Variants in NRK observed in about 807,000 individuals in gnomAD.
NRK encodes the protein Nik related kinase, also known as nik-related protein kinase.
NRK carries 67 observed loss-of-function variants against 125.2 expected under a neutral mutation model. That is an observed-to-expected ratio of 0.54 (90% CI 0.44 to 0.66). The LOEUF (loss-of-function observed/expected upper bound fraction) is 0.66, where lower values mean the gene tolerates loss of function less well. Ranked by LOEUF, NRK falls within the 30% of genes least tolerant of loss-of-function variation. NRK has a pLI of 0.00. For synonymous variants in NRK, 458 were observed against 429.0 expected (o/e 1.07, Z -0.84); for missense variants, 1,224 against 1,192.9 (o/e 1.03, Z -0.38).
chrX:105,886,201 T>A (rs1325177412), intron 4 of NRK, among the ~76,000 whole-genome samples: 2 of 109,810 alleles, frequency 1.8e-5, no homozygotes, highest in Non-Finnish European at 3.8e-5. Context: ...CCATATATCC[T>A]TTCTGTGCAA....
Position 105,935,175 on chromosome X carries a change from G to A in NRK, c.3505G>A (p.Ala1169Thr), listed in dbSNP as rs377439740. The A allele has an allele frequency of 1.0e-5, 12 of 1,185,454 alleles. No homozygotes were observed. In the East Asian group the frequency reaches 2.7e-4, roughly 26 times the overall value. The change falls in exon 21 of 29, where the codon GCT becomes ACT. Residue 1169 changes from alanine to threonine, a missense_variant. Transcript: ENST00000243300. ...TTCCCCTTACATCTTTGCAGTATACGCTGGATTCGTAGAAGTACCTGAGGA... is the reference window on the plus strand; with the variant it reads ...TTCCCCTTACATCTTTGCAGTATACACTGGATTCGTAGAAGTACCTGAGGA... The part of the protein sequence containing the change: ...DANFASAILY[A>T]GFVEVPEESP...
At chrX:105,948,432 T>G (rs1293074551) in intron 26 of NRK, 1 of 290,871 alleles carries the variant, frequency 3.4e-6, no homozygotes, top group Non-Finnish European at 5.9e-6. Context: ...TTTCCAAGAG[T>G]GCTAGATTAC....
At chrX:105,859,144 A>G (rs1001358412) in intron 2 of NRK, among the ~76,000 whole-genome samples, 1 of 111,834 alleles carries the variant, frequency 8.9e-6, no homozygotes, top group African/African-American at 3.2e-5. Flanking sequence ...TTGCTCAAAT[A>G]GATCTCTTTC....
intron 2 of NRK, among the ~76,000 whole-genome samples, chrX:105,870,511 C>A (rs755338884): frequency 5.4e-5 from 6 of 111,757 alleles, no homozygotes; most frequent in Non-Finnish European, 1.1e-4. Flanking sequence ...TCCTTAGTTG[C>A]CTACTAGTAG....
intron 27 of NRK, among the ~76,000 whole-genome samples, chrX:105,950,527 AGTGTGTGT>A (rs56383254): frequency 0.042 from 3,251 of 77,890 alleles, 84 homozygotes; most frequent in African/African-American, 0.079. Context: ...AAAAGGCAGC[AGTGTGTGT>A]GTGTGTGTGT....
intron 2 of NRK, among the ~76,000 whole-genome samples, chrX:105,878,944 T>A (rs1455098172): frequency 1.8e-5 from 2 of 111,463 alleles, no homozygotes; most frequent in Admixed American, 9.6e-5. Context: ...ATTTTGGACA[T>A]AAGAATTCTG....
chrX:105,826,976 G>C (rs1279558551), intron 1 of NRK, among the ~76,000 whole-genome samples: 1 of 111,451 alleles, frequency 9.0e-6, no homozygotes, highest in Non-Finnish European at 1.9e-5. Flanking sequence ...AGAATAATTT[G>C]GAGATTTTGG....
chrX:105,895,385 G>A (rs1430584265), intron 6 of NRK, 48 bp from the exon 7 acceptor site: 1 of 957,958 alleles, frequency 1.0e-6, no homozygotes, highest in Non-Finnish European at 1.5e-6. Flanking sequence ...AAGAAAGAAA[G>A]AAAGAAAGAA....
At chrX:105,930,604 A>G (rs2040582414) in intron 19 of NRK, among the ~76,000 whole-genome samples, 1 of 111,165 alleles carries the variant, frequency 9.0e-6, no homozygotes. Flanking sequence ...CTGGAAAATT[A>G]TTATGTTCCT....
chrX:105,922,178 CA>C, intron 17 of NRK, 117 bp downstream of exon 17: 2 of 385,840 alleles, frequency 5.2e-6, no homozygotes, highest in South Asian at 1.2e-4. Flanking sequence ...TTTTAATTAA[CA>C]TTTTAAGGAT....
chrX:105,822,546 G>A lies in NRK; in HGVS notation c.-300G>A, dbSNP rs2039034529. 1 of 346,071 alleles carries A rather than the reference G, an allele frequency of 2.9e-6. No individual in the cohort carries two copies. Among genetic ancestry groups the A allele is most frequent in the Admixed American group, 5.0e-5 (1 of 20,180 alleles). 28.5% of individuals were successfully genotyped at this position (346,071 alleles called of 1,213,427 possible). A position where few individuals can be genotyped will look rare whatever the true frequency, so the allele number is the denominator to read the frequency against. On this transcript the variant is annotated 5_prime_UTR_variant, in exon 1 of 29. Coordinates refer to ENST00000243300, the MANE Select transcript of NRK (RefSeq NM_198465.4). ...GGCGCACCCTGACGGGGCAGACACA[G>A]CGCTCTCGACACGGAGCACCCTTCT...
chrX:105,927,781 T>C (rs1034359664), intron 19 of NRK, among the ~76,000 whole-genome samples: 1 of 111,728 alleles, frequency 9.0e-6, no homozygotes, highest in Non-Finnish European at 1.9e-5. Flanking sequence ...GTATCATGTT[T>C]ATTGATTTGC....
intron 4 of NRK, among the ~76,000 whole-genome samples, chrX:105,886,880 C>T (rs922657700): frequency 1.8e-5 from 2 of 111,067 alleles, no homozygotes; most frequent in South Asian, 3.8e-4. Flanking sequence ...TAGTATGGTA[C>T]TGTCCATCCA....
chrX:105,891,030 T>C, intron 5 of NRK, among the ~76,000 whole-genome samples: 1 of 112,139 alleles, frequency 8.9e-6, no homozygotes, highest in Non-Finnish European at 1.9e-5. Flanking sequence ...AATTACCCAA[T>C]GAACTAATAA....
Position 105,887,158 on chromosome X carries a change from A to G in NRK, c.253-1136A>G, listed in dbSNP as rs1171402644. On this transcript the variant is annotated intron_variant, in intron 4 of 28. Transcript: ENST00000243300. ...AGACAGTGAGAAAACAATCCACAGT[A>G]TGAGAGAAATTATTTGCAAGTTGTC... Among the ~76,000 whole-genome samples, 7 of 112,480 alleles carry G rather than the reference A, an allele frequency of 6.2e-5. No individual in the cohort carries two copies. In the Admixed American group the frequency reaches 6.6e-4, roughly 11 times the overall value.
At chrX:105,933,164 C>G (rs867363548) in intron 19 of NRK, among the ~76,000 whole-genome samples, 3 of 93,115 alleles carry the variant, frequency 3.2e-5, no homozygotes, top group Non-Finnish European at 4.3e-5. Context: ...ATATCTATGT[C>G]TGTCTATCTA....
intron 4 of NRK, among the ~76,000 whole-genome samples, chrX:105,886,522 ATACGTGTGTGTG>A (rs908446107): frequency 3.9e-5 from 4 of 103,743 alleles, no homozygotes; most frequent in African/African-American, 1.4e-4. Flanking sequence ...TTATATATAT[ATACGTGTGTGTG>A]TATGTGTGTG....
intron 19 of NRK, among the ~76,000 whole-genome samples, chrX:105,932,026 G>A (rs1169117907): frequency 1.8e-5 from 2 of 110,322 alleles, no homozygotes; most frequent in Non-Finnish European, 3.8e-5. Flanking sequence ...TCTAACCCCT[G>A]ATAACCTCTA....
intron 2 of NRK, among the ~76,000 whole-genome samples, chrX:105,837,776 G>T (rs2039283988): frequency 9.0e-6 from 1 of 111,143 alleles, no homozygotes; most frequent in Non-Finnish European, 1.9e-5. Flanking sequence ...TTAATTGGAG[G>T]AATGTTTAGT....
Sources: allele counts gnomAD v4.1 joint callset (sites outside exome capture counted in the v4.1 genomes callset), GRCh38; gene constraint gnomAD v4.1.1; transcripts MANE v1.5; gene names NCBI Gene and HGNC (gene_info 2026-07-23, HGNC 2026-07-21).